NXPH1: variants seen among roughly 807,000 people sequenced by gnomAD.
NXPH1 encodes the protein neurexophilin-1.
A neutral mutation model predicts 23.7 loss-of-function variants in NXPH1; 5 were observed. The ratio of observed to expected loss-of-function variants is 0.21; its 90% CI spans 0.11 to 0.44. NXPH1 has a LOEUF of 0.44. NXPH1 is among the 20% of genes least tolerant of loss of function. The pLI, the probability that NXPH1 is intolerant of heterozygous loss-of-function variation, is 0.99. For missense variants in NXPH1, 324 were observed against 321.6 expected (o/e 1.01, Z -0.06); for synonymous variants, 144 against 122.2 (o/e 1.18, Z -1.18).
intron 2 of NXPH1, among the ~76,000 whole-genome samples, chr7:8,581,067 C>T (rs1197587033): frequency 3.3e-5 from 5 of 152,178 alleles, no homozygotes; most frequent in Non-Finnish European, 7.3e-5. Flanking sequence ...TCACCTTCCA[C>T]CTCTACCATT....
At chr7:8,706,927 T>C (rs1009949588) in intron 2 of NXPH1, among the ~76,000 whole-genome samples, 1 of 152,130 alleles carries the variant, frequency 6.6e-6, no homozygotes, top group East Asian at 1.9e-4. Context: ...GGGTGAGTGA[T>C]GAGAAATTAA....
chr7:8,703,643 A>C (rs977785453), intron 2 of NXPH1, among the ~76,000 whole-genome samples: 1 of 151,968 alleles, frequency 6.6e-6, no homozygotes, highest in Non-Finnish European at 1.5e-5. Flanking sequence ...AAGTTGTTGG[A>C]GGGATTAAAT....
In NXPH1 at chr7:8,486,582, C is replaced by G. The variant is rs188202882; in HGVS notation, c.54+50815C>G. Among the ~76,000 whole-genome samples, 367 of 152,260 alleles carry G rather than the reference C, an allele frequency of 2.4e-3. 5 individuals carry two copies. Among genetic ancestry groups the G allele is most frequent in the Admixed American group, 0.021 (317 of 15,274 alleles). On this transcript the variant is annotated intron_variant, in intron 2 of 2. Coordinates refer to ENST00000405863, the MANE Select transcript of NXPH1 (RefSeq NM_152745.3). ...AATCATTGTTTCCTCATCTGTAAGA[C>G]AAGGATCATAAAGACCTGCCTAGTA...
intron 2 of NXPH1, among the ~76,000 whole-genome samples, chr7:8,544,602 G>A (rs376302269): frequency 6.6e-6 from 1 of 151,666 alleles, no homozygotes; most frequent in Non-Finnish European, 1.5e-5. Flanking sequence ...AATGTAGACC[G>A]TACTGAGGCA....
intron 2 of NXPH1, among the ~76,000 whole-genome samples, chr7:8,451,589 AGTCTTTT>A (rs1443101269): frequency 5.3e-5 from 8 of 152,236 alleles, no homozygotes; most frequent in Non-Finnish European, 1.0e-4. Context: ...AAAAAGCATT[AGTCTTTT>A]GTCTGAGTAG....
At chr7:8,602,742 G>A (rs1391278734) in intron 2 of NXPH1, among the ~76,000 whole-genome samples, 1 of 152,132 alleles carries the variant, frequency 6.6e-6, no homozygotes, top group Non-Finnish European at 1.5e-5. Flanking sequence ...GCTATTATCT[G>A]TATAAAGGCA....
At position 8,650,052 on chromosome 7, in the gene NXPH1, T is replaced by C. The variant is rs1192624482; in HGVS notation, c.55-100956T>C. On this transcript the variant is annotated intron_variant, in intron 2 of 2. Transcript: ENST00000405863. ...GGAGGTCTGTATCACTCAAGAACTCTGTTGCTGCTATTTCTGGACAGTTGT... is the reference window on the plus strand; with the variant it reads ...GGAGGTCTGTATCACTCAAGAACTCCGTTGCTGCTATTTCTGGACAGTTGT... Among the ~76,000 whole-genome samples, 16 of 152,076 alleles carry C rather than the reference T, an allele frequency of 1.1e-4. No individual in the cohort carries two copies. In the South Asian group the frequency reaches 1.9e-3, roughly 18 times the overall value.
chr7:8,461,309 C>G (rs953656301), intron 2 of NXPH1, among the ~76,000 whole-genome samples: 2 of 152,132 alleles, frequency 1.3e-5, no homozygotes, highest in African/African-American at 4.8e-5. Flanking sequence ...TTTCCTTTCT[C>G]TCTTCTTTTG....
intron 2 of NXPH1, among the ~76,000 whole-genome samples, chr7:8,681,253 A>G (rs1476853821): frequency 6.6e-6 from 1 of 152,230 alleles, no homozygotes; most frequent in Non-Finnish European, 1.5e-5. Flanking sequence ...ACCATCTTTC[A>G]TATATAAGCG....
rs79837554 is a variant in NXPH1, at chr7:8,457,248, C to A, written c.54+21481C>A. 2.2e-3 allele frequency among the ~76,000 whole-genome samples: 334 copies of A among 152,248 alleles called. 2 individuals are homozygous for A. Among genetic ancestry groups the A allele is most frequent in the African/African-American group, 7.5e-3 (312 of 41,538 alleles). On this transcript the variant is annotated intron_variant, in intron 2 of 2. Transcript: ENST00000405863. ...ATTTTACAACAGTTGGCAACTGACA[C>A]AAGGGAAATAAATGTCTACTTCTCT... is the stretch of plus-strand genomic sequence containing the variant.
intron 2 of NXPH1, among the ~76,000 whole-genome samples, chr7:8,636,179 T>A (rs1245002829): frequency 6.6e-6 from 1 of 152,186 alleles, no homozygotes; most frequent in East Asian, 1.9e-4. Context: ...CAGGAGACTC[T>A]TTCACTCAAT....
intron 2 of NXPH1, among the ~76,000 whole-genome samples, chr7:8,661,394 C>T (rs762453858): frequency 7.9e-4 from 120 of 152,244 alleles, no homozygotes; most frequent in Non-Finnish European, 1.1e-3. Flanking sequence ...AATAGTTCAA[C>T]CTAAGTGGAT....
intron 2 of NXPH1, among the ~76,000 whole-genome samples, chr7:8,491,392 C>T (rs114331689): frequency 0.015 from 2,249 of 152,078 alleles, 48 homozygotes; most frequent in African/African-American, 0.05. Flanking sequence ...AACATCCCTT[C>T]AGAATTGCTT....
At position 8,660,712 on chromosome 7, in the gene NXPH1, G is replaced by A. The variant is rs571554823; in HGVS notation, c.55-90296G>A. Among the ~76,000 whole-genome samples, 30 of 152,236 alleles carry A rather than the reference G, an allele frequency of 2.0e-4. 2 individuals carry two copies. The highest frequency in any genetic ancestry group is 6.7e-4 in the African/African-American group (28 of 41,564). ...TAATAATTGTAAAATTTTAATGTATGATTGAAGCAGAACTATCAGACAAGG... is the reference window on the plus strand; with the variant it reads ...TAATAATTGTAAAATTTTAATGTATAATTGAAGCAGAACTATCAGACAAGG... On this transcript the variant is annotated intron_variant, in intron 2 of 2. Coordinates refer to ENST00000405863, the MANE Select transcript of NXPH1 (RefSeq NM_152745.3).
intron 2 of NXPH1, among the ~76,000 whole-genome samples, chr7:8,446,199 G>A (rs548119414): frequency 6.6e-6 from 1 of 152,302 alleles, no homozygotes; most frequent in East Asian, 1.9e-4. Flanking sequence ...TTTTGAGTGA[G>A]TTTGACAATG....
intron 2 of NXPH1, among the ~76,000 whole-genome samples, chr7:8,479,351 A>G (rs573234544): frequency 2.0e-5 from 3 of 152,110 alleles, no homozygotes; most frequent in Admixed American, 2.0e-4. Flanking sequence ...TAATTATGTG[A>G]TTTTCTAATT....
rs537324099 is a variant in NXPH1, at chr7:8,611,416, T to G, written c.55-139592T>G. On this transcript the variant is annotated intron_variant, in intron 2 of 2. Transcript: ENST00000405863. ...GACCACCATTCTACAGATTACTTGC[T>G]AAAGACCAAATCTCTGAAGAAATGA... 3.8e-4 allele frequency among the ~76,000 whole-genome samples: 58 copies of G among 152,272 alleles called. No individual in the cohort carries two copies. The South Asian group carries it at 0.011, about 30-fold the overall frequency.
At chr7:8,552,114 C>CAAAAAA (rs34390317) in intron 2 of NXPH1, among the ~76,000 whole-genome samples, 9 of 61,748 alleles carry the variant, frequency 1.5e-4, no homozygotes, top group African/African-American at 3.5e-4. Context: ...GAAAAAAAAC[C>CAAAAAA]AAAAAAAAAA....
intron 2 of NXPH1, among the ~76,000 whole-genome samples, chr7:8,743,788 G>C (rs1702689895): frequency 6.6e-6 from 1 of 150,934 alleles, no homozygotes; most frequent in South Asian, 2.1e-4. Context: ...AGTTCATGCT[G>C]TTCTCCCGCC....
Sources: gnomAD v4.1 joint callset for allele counts (sites outside exome capture counted in the v4.1 genomes callset) on GRCh38, gnomAD v4.1.1 for gene constraint, MANE v1.5 for transcripts, NCBI Gene and HGNC (gene_info 2026-07-23, HGNC 2026-07-21) for gene names.